SLC16A7: variants seen among roughly 807,000 people sequenced by gnomAD.
SLC16A7 encodes monocarboxylate transporter 2.
SLC16A7 carries 33 observed loss-of-function variants against 34.9 expected under a neutral mutation model. The ratio of observed to expected loss-of-function variants is 0.94; its 90% CI spans 0.72 to 1.26. The LOEUF (loss-of-function observed/expected upper bound fraction) is 1.26, where lower values mean the gene tolerates loss of function less well. Among genes scored for constraint, SLC16A7 ranks in the 50% most tolerant of loss-of-function variants. The pLI is 0.00. For missense variants in SLC16A7, 573 were observed against 578.1 expected (o/e 0.99, Z 0.09); for synonymous variants, 201 against 206.6 (o/e 0.97, Z 0.23).
In SLC16A7 at chr12:59,779,534, T is replaced by G. The variant is rs761571505; in HGVS notation, c.1292T>G (p.Leu431Trp). The change falls in exon 6 of 6, where the codon TTG becomes TGG. Residue 431 changes from leucine to tryptophan, a missense_variant. Leu to Trp is a moderately conservative substitution (Grantham distance 61). Coordinates refer to ENST00000547379, the MANE Select transcript of SLC16A7 (RefSeq NM_001270623.2). ...LLIGNAINYR[L>W]LAKERKEENA... is the part of the protein sequence containing the mutation. ...ATTGGCAATGCTATCAACTATAGATTGCTTGCAAAGGAAAGGAAGGAGGAA... is the reference window on the plus strand; with the variant it reads ...ATTGGCAATGCTATCAACTATAGATGGCTTGCAAAGGAAAGGAAGGAGGAA... 10 of 1,613,170 alleles carry G rather than the reference T, an allele frequency of 6.2e-6. No individual in the cohort carries two copies. Among genetic ancestry groups the G allele is most frequent in the Non-Finnish European group, 6.8e-6 (8 of 1,179,534 alleles).
At chr12:59,698,786 A>T (rs1196742000) in intron 2 of SLC16A7, among the ~76,000 whole-genome samples, 1 of 151,782 alleles carries the variant, frequency 6.6e-6, no homozygotes, top group East Asian at 1.9e-4. Flanking sequence ...GATGCTCTTT[A>T]TAGGCCAGAG....
chr12:59,677,626 A>C (rs1446881385), intron 2 of SLC16A7, among the ~76,000 whole-genome samples: 1 of 152,156 alleles, frequency 6.6e-6, no homozygotes, highest in Non-Finnish European at 1.5e-5. Flanking sequence ...CTGTTTTGTC[A>C]TGGCTTTTCT....
intron 3 of SLC16A7, among the ~76,000 whole-genome samples, chr12:59,744,492 G>A (rs1278652115): frequency 6.6e-6 from 1 of 152,056 alleles, no homozygotes; most frequent in Non-Finnish European, 1.5e-5. Flanking sequence ...CACTTTCATT[G>A]GCAACAAAAT....
At chr12:59,638,678 G>T (rs1880543409) in intron 1 of SLC16A7, among the ~76,000 whole-genome samples, 2 of 152,114 alleles carry the variant, frequency 1.3e-5, no homozygotes, top group Admixed American at 1.3e-4. Context: ...GAGGAGACTA[G>T]AATCTCTGTT....
chr12:59,716,214 C>A (rs751866263), intron 3 of SLC16A7, among the ~76,000 whole-genome samples: 2 of 152,202 alleles, frequency 1.3e-5, no homozygotes, highest in Admixed American at 1.3e-4. Context: ...CCTGCTTTGG[C>A]CTTGCATCTC....
At chr12:59,605,147 T>C (rs1374070342) in intron 1 of SLC16A7, among the ~76,000 whole-genome samples, 1 of 152,128 alleles carries the variant, frequency 6.6e-6, no homozygotes, top group Non-Finnish European at 1.5e-5. Context: ...TGATAAATAT[T>C]TTTTCAAACA....
In SLC16A7 at chr12:59,777,063, T is replaced by C. The variant is rs79141368; in HGVS notation, c.1180+1588T>C. ...ATCAAGTCCAAATACATAGTGGGGA[T>C]AGACTCTAAGAATTAAAATAAAGGA... On this transcript the variant is annotated intron_variant, in intron 5 of 5. Coordinates refer to ENST00000547379, the MANE Select transcript of SLC16A7 (RefSeq NM_001270623.2). Among the ~76,000 whole-genome samples, 919 of 152,298 alleles carry C rather than the reference T, an allele frequency of 6.0e-3. 4 individuals are homozygous for C. Among genetic ancestry groups the C allele is most frequent in the Middle Eastern group, 0.01 (3 of 294 alleles).
rs917349742 is a variant in SLC16A7, at chr12:59,752,397, G to A, written c.218-18822G>A. 2.0e-5 allele frequency among the ~76,000 whole-genome samples: 3 copies of A among 152,322 alleles called. No individual in the cohort carries two copies. In the East Asian group the frequency reaches 5.8e-4, roughly 29 times the overall value. On this transcript the variant is annotated intron_variant, in intron 3 of 5. Coordinates refer to ENST00000547379, the MANE Select transcript of SLC16A7 (RefSeq NM_001270623.2). ...ATGTATAACTAGAATAACCAATACA[G>A]AGAAGTGCTTAAAGGAGCTGATGGA...
chr12:59,744,414 G>GCTTCCCC (rs1318789952), intron 3 of SLC16A7, among the ~76,000 whole-genome samples: 1 of 152,150 alleles, frequency 6.6e-6, no homozygotes, highest in African/African-American at 2.4e-5. Context: ...CAGCGGGGAA[G>GCTTCCCC]GCTGGACTCT....
intron 3 of SLC16A7, among the ~76,000 whole-genome samples, chr12:59,751,797 G>C (rs1879605813): frequency 6.6e-6 from 1 of 152,208 alleles, no homozygotes; most frequent in Non-Finnish European, 1.5e-5. Context: ...TGGGCAGACT[G>C]CCTCCTCAAG....
At chr12:59,656,382 T>C (rs957988376) in intron 2 of SLC16A7, among the ~76,000 whole-genome samples, 1 of 151,962 alleles carries the variant, frequency 6.6e-6, no homozygotes, top group Non-Finnish European at 1.5e-5. Flanking sequence ...CTAGGATCCT[T>C]ATAAATGAAA....
chr12:59,710,760 T>G (rs1162412913), intron 3 of SLC16A7, among the ~76,000 whole-genome samples: 1 of 152,192 alleles, frequency 6.6e-6, no homozygotes, highest in Non-Finnish European at 1.5e-5. Flanking sequence ...CATTACTCAC[T>G]TTATGCAGAT....
At chr12:59,723,894 G>A (rs547324758) in intron 3 of SLC16A7, among the ~76,000 whole-genome samples, 1 of 151,740 alleles carries the variant, frequency 6.6e-6, no homozygotes, top group Non-Finnish European at 1.5e-5. Flanking sequence ...TTCCATGTGA[G>A]AAGTATATTC....
intron 1 of SLC16A7, among the ~76,000 whole-genome samples, chr12:59,616,248 C>A (rs1214613388): frequency 6.6e-6 from 1 of 152,042 alleles, no homozygotes; most frequent in Non-Finnish European, 1.5e-5. Context: ...GTGGGAAGCA[C>A]CCTGACAGTA....
rs567963315 is a variant in SLC16A7, at chr12:59,632,021, G to A, written c.-129-23131G>A. On this transcript the variant is annotated intron_variant, in intron 1 of 5. Coordinates refer to ENST00000547379, the MANE Select transcript of SLC16A7 (RefSeq NM_001270623.2). Reference sequence around the variant, plus strand: ...CCTAAGACAGTAGAATCAAAGATGAGAATTTGTTTGTCCTGAGAAGTGAGA... The same window carrying A: ...CCTAAGACAGTAGAATCAAAGATGAAAATTTGTTTGTCCTGAGAAGTGAGA... 2.0e-5 allele frequency among the ~76,000 whole-genome samples: 3 copies of A among 151,998 alleles called. No individual in the cohort carries two copies. The South Asian group carries it at 6.2e-4, about 32-fold the overall frequency.
At chr12:59,644,948 A>G (rs1880844249) in intron 1 of SLC16A7, among the ~76,000 whole-genome samples, 1 of 152,236 alleles carries the variant, frequency 6.6e-6, no homozygotes, top group South Asian at 2.1e-4. Flanking sequence ...GAAGTTAAGC[A>G]TGAAATCCAA....
At chr12:59,690,837 G>C (rs1055470868) in intron 2 of SLC16A7, among the ~76,000 whole-genome samples, 4 of 151,786 alleles carry the variant, frequency 2.6e-5, no homozygotes, top group African/African-American at 9.7e-5. Context: ...GGCATATTCC[G>C]GTCTTCTGTA....
In SLC16A7 at chr12:59,786,453, C is replaced by T. The variant is rs954206218; in HGVS notation, c.*6774C>T. The T allele has an allele frequency of 1.3e-5, 2 of 151,978 alleles. No homozygotes were observed. The highest frequency in any genetic ancestry group is 4.8e-5 in the African/African-American group (2 of 41,400). The allele number at this position is 151,978 out of a possible 1,614,324, so 9.4% of individuals were successfully genotyped here. A position where few individuals can be genotyped will look rare whatever the true frequency, so the allele number is the denominator to read the frequency against. On this transcript the variant is annotated 3_prime_UTR_variant, in exon 6 of 6. Transcript: ENST00000547379. ...GAATCTCAAGAGTACATATTTCTGA[C>T]AAGCTTTTCAATGGTACGATGGATT...
At chr12:59,679,069 T>C (rs1870538490) in intron 2 of SLC16A7, among the ~76,000 whole-genome samples, 1 of 152,202 alleles carries the variant, frequency 6.6e-6, no homozygotes. Context: ...CAGGCATTTC[T>C]GAGCCTGAAG....
Sources: gnomAD v4.1 joint callset for allele counts (sites outside exome capture counted in the v4.1 genomes callset) on GRCh38, gnomAD v4.1.1 for gene constraint, MANE v1.5 for transcripts, NCBI Gene and HGNC (gene_info 2026-07-23, HGNC 2026-07-21) for gene names.